Variants in PRMT3 observed in about 807,000 individuals in gnomAD.
PRMT3 encodes protein arginine methyltransferase 3, also known as protein arginine N-methyltransferase 3.
A neutral mutation model predicts 71.9 loss-of-function variants in PRMT3; 62 were observed. The ratio of observed to expected loss-of-function variants is 0.86; its 90% CI spans 0.70 to 1.07. PRMT3 has a LOEUF of 1.07. Ranked by LOEUF, PRMT3 falls within the 50% of genes least tolerant of loss-of-function variation. The probability of loss-of-function intolerance (pLI) is 0.00; values close to 1 mark genes in which losing one functional copy is unlikely to be tolerated. For missense variants in PRMT3, 663 were observed against 643.0 expected (o/e 1.03, Z -0.34); for synonymous variants, 213 against 220.4 (o/e 0.97, Z 0.30).
chr11:20,420,116 G>T (rs1849394283), intron 9 of PRMT3, among the ~76,000 whole-genome samples: 1 of 152,196 alleles, frequency 6.6e-6, no homozygotes, highest in East Asian at 1.9e-4. Flanking sequence ...AGGTTGCAGT[G>T]AGCTGAGATC....
chr11:20,403,111 T>C (rs370061868), intron 8 of PRMT3, 127 bp downstream of exon 8: 4 of 703,484 alleles, frequency 5.7e-6, no homozygotes, highest in East Asian at 5.3e-5. Flanking sequence ...GGAAGACATT[T>C]ATGATGCTGC....
chr11:20,436,300 C>A (rs1849758958), intron 10 of PRMT3, among the ~76,000 whole-genome samples: 2 of 152,124 alleles, frequency 1.3e-5, no homozygotes, highest in East Asian at 3.8e-4. Context: ...CTTTCTCTTG[C>A]CTGATTGCTC....
At chr11:20,482,918 T>C (rs1347978093) in intron 13 of PRMT3, among the ~76,000 whole-genome samples, 1 of 152,024 alleles carries the variant, frequency 6.6e-6, no homozygotes, top group Non-Finnish European at 1.5e-5. Flanking sequence ...CCTTATAATA[T>C]TTGCCAGATT....
At chr11:20,460,077 A>G (rs931280856) in intron 11 of PRMT3, among the ~76,000 whole-genome samples, 4 of 152,154 alleles carry the variant, frequency 2.6e-5, no homozygotes, top group Admixed American at 6.5e-5. Context: ...TTTGGAAGCA[A>G]TTGCGTTGGT....
chr11:20,395,870 A>T lies in PRMT3; in HGVS notation c.468A>T (p.Thr156=). 6.2e-7 allele frequency: 1 copy of T among 1,614,160 alleles called. No individual in the cohort carries two copies. The highest frequency in any genetic ancestry group is 2.2e-5 in the East Asian group (1 of 44,874). ...FSYPNGLSEN[T]SVVEKLKHME... Reference sequence around the variant, plus strand: ...ACCCCAATGGACTCAGTGAAAATACATCTGTTGTTGAAAAATTGAAACATA... The same window carrying T: ...ACCCCAATGGACTCAGTGAAAATACTTCTGTTGTTGAAAAATTGAAACATA... Residue 156 remains threonine (T), a synonymous_variant, in exon 6 of 16, where the codon ACA becomes ACT. Transcript: ENST00000331079.
At position 20,413,516 on chromosome 11, in the gene PRMT3, A is replaced by G. The variant is rs189507336; in HGVS notation, c.893+5484A>G. 2.4e-4 allele frequency among the ~76,000 whole-genome samples: 37 copies of G among 152,264 alleles called. 1 individual carries two copies. Among genetic ancestry groups the G allele is most frequent in the Admixed American group, 2.2e-3 (34 of 15,284 alleles). The stretch of plus-strand genomic sequence containing the variant: ...TTGTATCCGTTATGATGCTTTGCAA[A>G]ATGGCTGGCCCTGTAACTGCTTACT... On this transcript the variant is annotated intron_variant, in intron 9 of 15. Transcript: ENST00000331079.
At chr11:20,473,637 G>GGT (rs1305894214) in intron 13 of PRMT3, among the ~76,000 whole-genome samples, 9 of 152,108 alleles carry the variant, frequency 5.9e-5, no homozygotes, top group African/African-American at 2.2e-4. Flanking sequence ...AACAGCTCCT[G>GGT]TAATGTTTTA....
chr11:20,505,783 T>G (rs1247026949), intron 15 of PRMT3, among the ~76,000 whole-genome samples: 2 of 152,014 alleles, frequency 1.3e-5, no homozygotes, highest in African/African-American at 4.8e-5. Flanking sequence ...AAAACGTGTA[T>G]CATTGTTCAT....
intron 15 of PRMT3, among the ~76,000 whole-genome samples, chr11:20,495,787 T>A (rs1851318806): frequency 6.6e-6 from 1 of 152,162 alleles, no homozygotes; most frequent in Non-Finnish European, 1.5e-5. Context: ...TCTGAAAACC[T>A]CCTGAGAGTA....
At chr11:20,491,267 G>GT (rs1247756065) in intron 13 of PRMT3, among the ~76,000 whole-genome samples, 2 of 152,088 alleles carry the variant, frequency 1.3e-5, no homozygotes, top group African/African-American at 4.8e-5. Context: ...TTGGAACATG[G>GT]TTATAATTGC....
At chr11:20,415,767 C>T (rs1381187863) in intron 9 of PRMT3, among the ~76,000 whole-genome samples, 2 of 152,154 alleles carry the variant, frequency 1.3e-5, no homozygotes, top group African/African-American at 4.8e-5. Context: ...TATTGTCAAC[C>T]TGCTTCATCT....
chr11:20,464,349 T>A, intron 12 of PRMT3, 111 bp from the exon 13 acceptor site: 4 of 1,391,202 alleles, frequency 2.9e-6, no homozygotes, highest in Non-Finnish European at 2.8e-6. Flanking sequence ...CCAATAATCA[T>A]TTGTGCATAA....
intron 13 of PRMT3, among the ~76,000 whole-genome samples, chr11:20,468,830 G>A (rs1347160893): frequency 1.3e-5 from 2 of 152,110 alleles, no homozygotes; most frequent in Non-Finnish European, 2.9e-5. Flanking sequence ...GCTTCTTGAA[G>A]ATTATTAGAA....
chr11:20,416,294 G>T (rs1849303302), intron 9 of PRMT3, among the ~76,000 whole-genome samples: 2 of 152,148 alleles, frequency 1.3e-5, no homozygotes, highest in Non-Finnish European at 2.9e-5. Flanking sequence ...AGACATAAAA[G>T]AGGGTAAATT....
chr11:20,441,263 T>TTTTATTTATTTATTTATTTA (rs3044625), intron 10 of PRMT3, among the ~76,000 whole-genome samples: 2 of 138,126 alleles, frequency 1.4e-5, no homozygotes, highest in Non-Finnish European at 3.1e-5. Context: ...GTTACTAACT[T>TTTTATTTATTTATTTATTTA]TTTATTTATT....
chr11:20,451,015 T>C (rs953370288), intron 10 of PRMT3, among the ~76,000 whole-genome samples: 3 of 152,152 alleles, frequency 2.0e-5, no homozygotes, highest in African/African-American at 7.2e-5. Flanking sequence ...TGCATAGGGC[T>C]GTTGGGGGGT....
intron 10 of PRMT3, among the ~76,000 whole-genome samples, chr11:20,429,687 A>G (rs1430877046): frequency 2.0e-5 from 3 of 152,098 alleles, no homozygotes; most frequent in Non-Finnish European, 4.4e-5. Flanking sequence ...GTATTATCTC[A>G]CTGTCTGCCT....
In PRMT3 at chr11:20,438,129, A is replaced by G. The variant is rs369688021; in HGVS notation, c.993+11264A>G. 2.6e-5 allele frequency among the ~76,000 whole-genome samples: 4 copies of G among 152,176 alleles called. No individual in the cohort carries two copies. In the East Asian group the frequency reaches 7.7e-4, roughly 29 times the overall value. On this transcript the variant is annotated intron_variant, in intron 10 of 15. Coordinates refer to ENST00000331079, the MANE Select transcript of PRMT3 (RefSeq NM_005788.4). ...CACCCTCTGTGGCAGGGTTGGATGT[A>G]AGTTTCCCACAAGAACTAGGATCTG...
chr11:20,451,710 A>G (rs1166840515), intron 10 of PRMT3, among the ~76,000 whole-genome samples: 1 of 151,220 alleles, frequency 6.6e-6, no homozygotes, highest in Non-Finnish European at 1.5e-5. Flanking sequence ...CCCCACCCCC[A>G]GTTGCAACAA....
Sources: allele counts gnomAD v4.1 joint callset (sites outside exome capture counted in the v4.1 genomes callset), GRCh38; gene constraint gnomAD v4.1.1; transcripts MANE v1.5; gene names NCBI Gene and HGNC (gene_info 2026-07-23, HGNC 2026-07-21).